ACOT2: variants seen among roughly 807,000 people sequenced by gnomAD.
ACOT2 encodes acyl-CoA thioesterase 2.
ACOT2 carries 15 observed loss-of-function variants against 20.1 expected under a neutral mutation model. The ratio of observed to expected loss-of-function variants is 0.75; its 90% CI spans 0.50 to 1.15. The LOEUF (loss-of-function observed/expected upper bound fraction) is 1.15. Ranked by LOEUF, ACOT2 falls within the 50% of genes most tolerant of loss-of-function variation. The pLI, the probability that ACOT2 is intolerant of heterozygous loss-of-function variation, is 0.00. For missense variants in ACOT2, 479 were observed against 615.3 expected (o/e 0.78, Z 2.34); for synonymous variants, 252 against 268.4 (o/e 0.94, Z 0.60).
chr14:73,574,191 CA>C (rs1889827630), intron 2 of ACOT2: 1 of 159,640 alleles, frequency 6.3e-6, no homozygotes, highest in African/African-American at 2.4e-5. Flanking sequence ...AGTTTCTATT[CA>C]ATTCTATATT....
In ACOT2 at chr14:73,574,937, A is replaced by T; in HGVS notation, c.876A>T (p.Gly292=). The T allele has an allele frequency of 2.5e-6, 4 of 1,603,548 alleles. No homozygotes were observed. Among genetic ancestry groups the T allele is most frequent in the Non-Finnish European group, 3.4e-6 (4 of 1,175,562 alleles). Residue 292 remains glycine, a synonymous_variant, in exon 3 of 3, where the codon GGA becomes GGT. Coordinates refer to ENST00000238651, the MANE Select transcript of ACOT2 (RefSeq NM_006821.6). ...EVKGPGVGLL[G]ISKGGELCLS... ...AAGGTCCAGGAGTTGGGCTGCTTGG[A>T]ATTTCCAAAGGGGGTGAGCTCTGCC... is the stretch of plus-strand genomic sequence containing the variant.
chr14:73,570,784 A>G (rs1176044581), intron 1 of ACOT2, among the ~76,000 whole-genome samples: 1 of 151,072 alleles, frequency 6.6e-6, no homozygotes, highest in Non-Finnish European at 1.5e-5. Context: ...GCATGCCTGT[A>G]GTCCCAACTA....
In ACOT2 at chr14:73,569,391, A is replaced by G; in HGVS notation, c.151A>G (p.Arg51Gly). The G allele has an allele frequency of 2.5e-6, 4 of 1,613,960 alleles. No individual in the cohort carries two copies. The highest frequency in any genetic ancestry group is 3.4e-6 in the Non-Finnish European group (4 of 1,179,796). The change falls in exon 1 of 3, where the codon AGG becomes GGG. Residue 51 changes from arginine (R) to glycine (G), a missense_variant. Physicochemically the swap from Arg to Gly is moderately radical, Grantham distance 125. Around this residue, in one of 4 missense-constraint regions of ACOT2, gnomAD observed 400 missense variants for 395.5 expected, o/e 1.01. Coordinates refer to ENST00000238651, the MANE Select transcript of ACOT2 (RefSeq NM_006821.6). ...GCAGTTCCTGGGGTCTCCACAGCTG[A>G]GGCAGGTTGGTCAGATCATTAGGGT... is the stretch of plus-strand genomic sequence containing the variant. ...SAQFLGSPQL[R>G]QVGQIIRVPA...
chr14:73,574,552 C>T, intron 2 of ACOT2: 1 of 432,712 alleles, frequency 2.3e-6, no homozygotes, highest in Admixed American at 3.9e-5. Flanking sequence ...CGTCAGCCAC[C>T]ACTCCCGGCC....
At chr14:73,572,222 G>C (rs1889767181) in intron 1 of ACOT2, among the ~76,000 whole-genome samples, 1 of 122,312 alleles carries the variant, frequency 8.2e-6, no homozygotes. Flanking sequence ...AAGTCAACTG[G>C]AAACAGTCCA....
chr14:73,570,882 G>A (rs1343037135), intron 1 of ACOT2, among the ~76,000 whole-genome samples: 1 of 146,676 alleles, frequency 6.8e-6, no homozygotes, highest in Non-Finnish European at 1.5e-5. Flanking sequence ...TCCAGCCTGG[G>A]GGACAAGAGT....
chr14:73,573,237 G>A (rs1177277404), intron 1 of ACOT2, 151 bp from the exon 2 acceptor site: 10 of 1,206,922 alleles, frequency 8.3e-6, no homozygotes, highest in Admixed American at 1.9e-5. Context: ...CTTGCCAGAG[G>A]TTTCTGGACG....
rs1244149920 is a variant in ACOT2 at position 73,572,649 on chromosome 14, T to C, written c.644-739T>C. 5.4e-4 allele frequency among the ~76,000 whole-genome samples: 32 copies of C among 59,200 alleles called. 2 individuals are homozygous for C. The East Asian group carries it at 5.8e-3, about 11-fold the overall frequency. 38.8% of individuals were successfully genotyped at this position (59,200 alleles called of 152,430 possible). A position where few individuals can be genotyped will look rare whatever the true frequency, so the allele number is the denominator to read the frequency against. ...CTGTAAGGTGTTTGCATTTTTTTTT[T>C]TTTTTTTTTTTTTTTTGAGACAGTG... On this transcript the variant is annotated intron_variant, in intron 1 of 2. Coordinates refer to ENST00000238651, the MANE Select transcript of ACOT2 (RefSeq NM_006821.6).
At chr14:73,572,184 C>A (rs1889766593) in intron 1 of ACOT2, among the ~76,000 whole-genome samples, 1 of 36,850 alleles carries the variant, frequency 2.7e-5, no homozygotes, top group Admixed American at 3.4e-4. Flanking sequence ...GCCAGATGAG[C>A]AGTCTGGATT....
rs989125007 is a variant in ACOT2 at position 73,573,915 on chromosome 14, C to G, written c.846+325C>G. Among the ~76,000 whole-genome samples, 16 of 151,932 alleles carry G rather than the reference C, an allele frequency of 1.1e-4. 2 individuals are homozygous for G. Among genetic ancestry groups the G allele is most frequent in the Non-Finnish European group, 1.9e-4 (13 of 67,968 alleles). On this transcript the variant is annotated intron_variant, in intron 2 of 2. Coordinates refer to ENST00000238651, the MANE Select transcript of ACOT2 (RefSeq NM_006821.6). Reference sequence around the variant, plus strand: ...CTAATTTTTGTATTTTTAGTGGAGGCGGGGTTTCACAATATTGGTCAGGCT... The same window carrying G: ...CTAATTTTTGTATTTTTAGTGGAGGGGGGGTTTCACAATATTGGTCAGGCT...
chr14:73,570,008 G>A, intron 1 of ACOT2, 125 bp downstream of exon 1: 3 of 1,390,900 alleles, frequency 2.2e-6, no homozygotes, highest in Non-Finnish European at 2.8e-6. Context: ...TGCCCAGGCA[G>A]GTTTCGAATT....
At position 73,575,334 on chromosome 14, in the gene ACOT2, G is replaced by C. The variant is rs1277859310; in HGVS notation, c.1273G>C (p.Glu425Gln). ...TTACCCAGAGACAGGGCACTATATT[G>C]AGCCTCCTTACTTCCCCCTGTGTCG... is the stretch of plus-strand genomic sequence containing the variant. ...ICYPETGHYIEPPYFPLCRAS... is the reference protein window; with the variant it reads ...ICYPETGHYIQPPYFPLCRAS... The change falls in exon 3 of 3, where the codon GAG becomes CAG. Residue 425 changes from glutamate to glutamine, a missense_variant. Glu to Gln is a conservative substitution (Grantham distance 29). Coordinates refer to ENST00000238651, the MANE Select transcript of ACOT2 (RefSeq NM_006821.6). 2 of 911,832 alleles carry C rather than the reference G, an allele frequency of 2.2e-6. No individual in the cohort carries two copies. Among genetic ancestry groups the C allele is most frequent in the African/African-American group, 4.6e-5 (2 of 43,560 alleles). 56.5% of individuals were successfully genotyped at this position (911,832 alleles called of 1,614,324 possible).
At chr14:73,570,229 T>C (rs934272461) in intron 1 of ACOT2, among the ~76,000 whole-genome samples, 6 of 151,756 alleles carry the variant, frequency 4.0e-5, no homozygotes, top group Non-Finnish European at 7.4e-5. Context: ...GAAGTGTCCC[T>C]GCCGCTCCAA....
intron 1 of ACOT2, among the ~76,000 whole-genome samples, chr14:73,570,976 CTTTTT>C (rs369680117): frequency 1.3e-5 from 1 of 74,354 alleles, no homozygotes; most frequent in South Asian, 3.2e-4. Flanking sequence ...TAGGAAGCCA[CTTTTT>C]TTTTTTTTTA....
upstream of ACOT2, chr14:73,567,929 A>G: frequency 6.6e-6 from 1 of 152,264 alleles, no homozygotes; most frequent in Non-Finnish European, 1.5e-5. Flanking sequence ...TCTGAACATC[A>G]GAGGAAACAA....
At chr14:73,569,947 C>T (rs1399696802) in intron 1 of ACOT2, 64 bp downstream of exon 1, 2 of 1,523,938 alleles carry the variant, frequency 1.3e-6, no homozygotes, top group Non-Finnish European at 8.8e-7. Context: ...CTCCCCCGCC[C>T]CACGCTTTTC....
In ACOT2 at chr14:73,569,509, C is replaced by T; in HGVS notation, c.269C>T (p.Pro90Leu). 1.2e-6 allele frequency: 2 copies of T among 1,609,282 alleles called. No individual in the cohort carries two copies. Among genetic ancestry groups the T allele is most frequent in the Non-Finnish European group, 1.7e-6 (2 of 1,178,456 alleles). ...CGAATCGCCGTGCGCGGCCTAGCCC[C>T]GGAGCAGCCGGTCACGCTGCGCGCG... ...PVRIAVRGLAPEQPVTLRASL... is the reference protein window; with the variant it reads ...PVRIAVRGLALEQPVTLRASL... The change falls in exon 1 of 3, where the codon CCG becomes CTG. Residue 90 changes from proline (P) to leucine (L), a missense_variant. By Grantham distance (98) the Pro-to-Leu change is moderately conservative. Coordinates refer to ENST00000238651, the MANE Select transcript of ACOT2 (RefSeq NM_006821.6).
intron 1 of ACOT2, among the ~76,000 whole-genome samples, 157 bp from the exon 2 acceptor site, chr14:73,573,231 C>T (rs1889800573): frequency 6.6e-6 from 1 of 151,720 alleles, no homozygotes. Context: ...TAAACACTTG[C>T]CAGAGGTTTC....
chr14:73,568,371 C>T (rs1409676244), upstream of ACOT2, among the ~76,000 whole-genome samples: 1 of 151,226 alleles, frequency 6.6e-6, no homozygotes, highest in African/African-American at 2.4e-5. Flanking sequence ...AAACACCACA[C>T]CTCTGGTGAA....
Sources: gnomAD v4.1 joint callset for allele counts (sites outside exome capture counted in the v4.1 genomes callset) on GRCh38, gnomAD v4.1.1 for gene constraint, gnomAD v4.1.1 regional missense constraint, MANE v1.5 for transcripts, NCBI Gene and HGNC (gene_info 2026-07-23, HGNC 2026-07-21) for gene names.